PDSS2: variants seen among roughly 807,000 people sequenced by gnomAD.
PDSS2 encodes all trans-polyprenyl-diphosphate synthase PDSS2.
In PDSS2, 31 loss-of-function variants were observed where a neutral mutation model predicts 44.5. The observed-to-expected ratio is 0.70, with a 90% CI of 0.52 to 0.94. The LOEUF (loss-of-function observed/expected upper bound fraction) is 0.94. PDSS2 is among the 40% of genes least tolerant of loss of function. The probability of loss-of-function intolerance (pLI) is 0.00; values close to 1 mark genes in which losing one functional copy is unlikely to be tolerated. For missense variants in PDSS2, 452 were observed against 482.2 expected, an observed-to-expected ratio of 0.94 and a Z score of 0.59; for synonymous variants, 157 against 180.3, an observed-to-expected ratio of 0.87 and a Z score of 1.03.
chr6:107,326,084 A>T (rs1302363858), intron 2 of PDSS2, among the ~76,000 whole-genome samples: 1 of 151,606 alleles, frequency 6.6e-6, no homozygotes, highest in Non-Finnish European at 1.5e-5. Flanking sequence ...CAATTATCTG[A>T]ACTATGTTTT....
chr6:107,404,380 G>A (rs1321889380), intron 1 of PDSS2, among the ~76,000 whole-genome samples: 1 of 152,118 alleles, frequency 6.6e-6, no homozygotes, highest in Non-Finnish European at 1.5e-5. Context: ...TTCTAAAGTT[G>A]TTTCCATATT....
At chr6:107,173,300 G>A (rs1375147028) in intron 7 of PDSS2, among the ~76,000 whole-genome samples, 10 of 150,634 alleles carry the variant, frequency 6.6e-5, no homozygotes, top group South Asian at 2.1e-4. Context: ...CAGGCCAGGC[G>A]CGGTGGCTCA....
chr6:107,196,605 T>C (rs974526248), intron 6 of PDSS2, among the ~76,000 whole-genome samples: 2 of 152,212 alleles, frequency 1.3e-5, no homozygotes, highest in Non-Finnish European at 1.5e-5. Context: ...TTCTGAAATA[T>C]ATATTTGGTC....
chr6:107,368,517 T>C (rs1412395097), intron 1 of PDSS2, among the ~76,000 whole-genome samples: 1 of 152,118 alleles, frequency 6.6e-6, no homozygotes, highest in Non-Finnish European at 1.5e-5. Flanking sequence ...ATATATAAAT[T>C]CAGCACAATC....
intron 7 of PDSS2, among the ~76,000 whole-genome samples, chr6:107,188,471 AT>A (rs1397392064): frequency 1.3e-5 from 2 of 152,162 alleles, no homozygotes; most frequent in Non-Finnish European, 2.9e-5. Flanking sequence ...CTCCTCCCAG[AT>A]TTAGAATGGG....
intron 1 of PDSS2, among the ~76,000 whole-genome samples, chr6:107,407,618 T>C (rs985961454): frequency 1.3e-5 from 2 of 152,260 alleles, no homozygotes; most frequent in African/African-American, 4.8e-5. Context: ...CATATTTTTA[T>C]AATTTTAGAA....
chr6:107,402,453 C>CAT (rs1199498025), intron 1 of PDSS2, among the ~76,000 whole-genome samples: 1,175 of 6,600 alleles, frequency 0.18, 50 homozygotes, highest in African/African-American at 0.24. Context: ...CACACACACA[C>CAT]ATATATATAC....
chr6:107,438,298 C>T (rs1183235571), intron 1 of PDSS2, among the ~76,000 whole-genome samples: 19 of 152,072 alleles, frequency 1.2e-4, no homozygotes. Context: ...AACTTCCACC[C>T]CCAGGGTTCA....
intron 7 of PDSS2, among the ~76,000 whole-genome samples, chr6:107,179,999 C>G (rs1771916138): frequency 6.6e-6 from 1 of 152,178 alleles, no homozygotes; most frequent in African/African-American, 2.4e-5. Flanking sequence ...TATCTTCTAA[C>G]TTACTAAAAC....
At chr6:107,303,142 C>T (rs1776751479) in intron 2 of PDSS2, among the ~76,000 whole-genome samples, 4 of 152,110 alleles carry the variant, frequency 2.6e-5, no homozygotes, top group African/African-American at 9.7e-5. Flanking sequence ...GTCATTCCAT[C>T]GCAGAAGAGC....
chr6:107,353,834 G>A (rs1410434332), intron 1 of PDSS2, among the ~76,000 whole-genome samples: 2 of 151,996 alleles, frequency 1.3e-5, no homozygotes, highest in East Asian at 1.9e-4. Flanking sequence ...AATTTAAAAT[G>A]TATTTTTCTA....
At chr6:107,402,506 A>ATACG (rs1780168500) in intron 1 of PDSS2, among the ~76,000 whole-genome samples, 3 of 77,190 alleles carry the variant, frequency 3.9e-5, no homozygotes, top group East Asian at 9.0e-4. Flanking sequence ...GTATACATAT[A>ATACG]TATACACACA....
chr6:107,408,383 T>A (rs952719388), intron 1 of PDSS2, among the ~76,000 whole-genome samples: 2 of 152,148 alleles, frequency 1.3e-5, no homozygotes, highest in Admixed American at 1.3e-4. Context: ...CCATTGCTAT[T>A]CAAAAAAATC....
At chr6:107,435,706 T>C (rs1781328958) in intron 1 of PDSS2, among the ~76,000 whole-genome samples, 1 of 152,200 alleles carries the variant, frequency 6.6e-6, no homozygotes, top group African/African-American at 2.4e-5. Flanking sequence ...TATTAAACAC[T>C]GTCAAGAGCT....
chr6:107,324,976 C>G (rs914904725), intron 2 of PDSS2, among the ~76,000 whole-genome samples: 1 of 151,874 alleles, frequency 6.6e-6, no homozygotes, highest in Non-Finnish European at 1.5e-5. Flanking sequence ...ATTAGTACCA[C>G]ATTAAAATGA....
At chr6:107,272,996 G>A (rs558380554) in intron 3 of PDSS2, among the ~76,000 whole-genome samples, 2 of 151,542 alleles carry the variant, frequency 1.3e-5, no homozygotes, top group Non-Finnish European at 2.9e-5. Context: ...GCTGGAGTGC[G>A]GTGGCACAAT....
chr6:107,256,257 C>T (rs1562412521), intron 3 of PDSS2, among the ~76,000 whole-genome samples: 1 of 152,170 alleles, frequency 6.6e-6, no homozygotes, highest in Non-Finnish European at 1.5e-5. Flanking sequence ...TCCCAAAGTG[C>T]TGGGATTACA....
intron 1 of PDSS2, among the ~76,000 whole-genome samples, chr6:107,359,746 T>C (rs2114269602): frequency 6.6e-6 from 1 of 152,252 alleles, no homozygotes. Flanking sequence ...GCTTTGGTTT[T>C]GATTTTGTGG....
intron 2 of PDSS2, among the ~76,000 whole-genome samples, chr6:107,287,935 C>A (rs991290876): frequency 2.0e-5 from 3 of 152,152 alleles, no homozygotes; most frequent in Non-Finnish European, 4.4e-5. Context: ...TTCAAGGTTG[C>A]AGGGAGCTAG....
Sources: allele counts gnomAD v4.1 joint callset (sites outside exome capture counted in the v4.1 genomes callset), GRCh38; gene constraint gnomAD v4.1.1; transcripts MANE v1.5; gene names NCBI Gene and HGNC (gene_info 2026-07-23, HGNC 2026-07-21).